USP6NL: variants seen among roughly 807,000 people sequenced by gnomAD.
The protein encoded by USP6NL is USP6 N-terminal like, also known as USP6 N-terminal-like protein.
Under a neutral mutation model 61.9 loss-of-function variants are expected in USP6NL, and 26 were observed. The observed-to-expected ratio is 0.42, with a 90% CI of 0.31 to 0.58. The LOEUF is 0.58. USP6NL is among the 20% of genes least tolerant of loss of function. USP6NL has a pLI of 0.16. For synonymous variants in USP6NL, 432 were observed against 390.1 expected (o/e 1.11, Z -1.27); for missense variants, 1,114 against 1,034.3 (o/e 1.08, Z -1.06).
chr10:11,500,160 C>T (rs1834115835), intron 7 of USP6NL, among the ~76,000 whole-genome samples: 1 of 151,988 alleles, frequency 6.6e-6, no homozygotes, highest in Admixed American at 6.6e-5. Context: ...CATAGTGGGG[C>T]CTGTCAGCAA....
intron 5 of USP6NL, among the ~76,000 whole-genome samples, chr10:11,516,967 C>T (rs1834983938): frequency 6.6e-6 from 1 of 152,120 alleles, no homozygotes; most frequent in Admixed American, 6.5e-5. Flanking sequence ...TTTAAATCAC[C>T]GGTCTGAAGA....
At position 11,485,873 on chromosome 10, in the gene USP6NL, G is replaced by T; in HGVS notation, c.703C>A (p.Gln235Lys). Reference protein sequence around the residue: ...VQGFPKLLRFQEHHEKILNKF... With the variant: ...VQGFPKLLRFKEHHEKILNKF... ...TTCAGTATTTTTTCATGATGTTCTT[G>T]AAACCTCAAGAGTTTAGGAAAACCT... is the stretch of plus-strand genomic sequence containing the variant. Residue 235 changes from glutamine (Q) to lysine (K), a missense_variant, in exon 11 of 15, where the codon CAA (glutamine) becomes AAA (lysine). Transcript: ENST00000609104. The surrounding 1 kb of genome is among the most constrained non-coding windows in gnomAD (Gnocchi z 4.8). 1 of 1,554,786 alleles carries T rather than the reference G, an allele frequency of 6.4e-7. No individual in the cohort carries two copies. The highest frequency in any genetic ancestry group is 8.7e-7 in the Non-Finnish European group (1 of 1,149,462).
intron 14 of USP6NL, among the ~76,000 whole-genome samples, chr10:11,472,186 T>G (rs1285942654): frequency 6.6e-6 from 1 of 152,200 alleles, no homozygotes; most frequent in Non-Finnish European, 1.5e-5. Flanking sequence ...AAAGCAAAAA[T>G]GTTTATTATT....
chr10:11,491,170 G>A lies in USP6NL; in HGVS notation c.495-290C>T, dbSNP rs1833695387. Among the ~76,000 whole-genome samples the A allele has an allele frequency of 6.6e-6, 1 of 152,210 alleles. No individual in the cohort carries two copies. Among genetic ancestry groups the A allele is most frequent in the East Asian group, 1.9e-4 (1 of 5,200 alleles). On this transcript the variant is annotated intron_variant, in intron 8 of 14. Coordinates refer to ENST00000609104, the MANE Select transcript of USP6NL (RefSeq NM_014688.5). The surrounding 1 kb of genome is among the most constrained non-coding windows in gnomAD (Gnocchi z 4.7). ...ATCTATCTCACTTTGAGACCCTTCT[G>A]ATAGAAGCAGCTGGCTTGACAGAAT... is the stretch of plus-strand genomic sequence containing the variant.
In USP6NL at chr10:11,490,923, C is replaced by T; in HGVS notation, c.495-43G>A. ...CATTAAATACAATTTAGTAATTTCA[C>T]ATATTTTAAAAATTACAAACTTAAA... On this transcript the variant is annotated intron_variant, in intron 8 of 14. Transcript: ENST00000609104. The surrounding 1 kb of genome is among the most constrained non-coding windows in gnomAD (Gnocchi z 4.5). 6.8e-7 allele frequency: 1 copy of T among 1,472,338 alleles called. No individual in the cohort carries two copies. Among genetic ancestry groups the T allele is most frequent in the Non-Finnish European group, 9.1e-7 (1 of 1,100,196 alleles). The allele number at this position is 1,472,338 out of a possible 1,614,324, so 91.2% of individuals were successfully genotyped here. A position where few individuals can be genotyped will look rare whatever the true frequency, so the allele number is the denominator to read the frequency against.
rs2096226620 is a variant in USP6NL at position 11,463,503 on chromosome 10, G to C, written c.1425C>G (p.Ala475=). The change falls in exon 15 of 15, where the codon GCC becomes GCG. Residue 475 remains alanine, a synonymous_variant. Coordinates refer to ENST00000609104, the MANE Select transcript of USP6NL (RefSeq NM_014688.5). The surrounding 1 kb of genome is among the most constrained non-coding windows in gnomAD (Gnocchi z 6.3). ...NHAAANQNSN[A]TSNIRKEFVP... ...CAAACTCCTTCCTGATATTTGAAGTGGCGTTGCTATTTTGGTTGGCAGCTG... is the reference window on the plus strand; with the variant it reads ...CAAACTCCTTCCTGATATTTGAAGTCGCGTTGCTATTTTGGTTGGCAGCTG... The C allele has an allele frequency of 1.9e-6, 3 of 1,613,928 alleles. No homozygotes were observed. Among genetic ancestry groups the C allele is most frequent in the Non-Finnish European group, 2.5e-6 (3 of 1,179,912 alleles).
At chr10:11,583,030 C>T (rs949569454) in intron 2 of USP6NL, among the ~76,000 whole-genome samples, 1 of 150,158 alleles carries the variant, frequency 6.7e-6, no homozygotes, top group African/African-American at 2.5e-5. Context: ...TAAATAATTA[C>T]AAAATTAATG....
chr10:11,603,869 T>C (rs571044907), intron 1 of USP6NL, among the ~76,000 whole-genome samples: 1 of 152,272 alleles, frequency 6.6e-6, no homozygotes, highest in South Asian at 2.1e-4. Context: ...CCAAGAGGTG[T>C]AAATACACAC....
At chr10:11,479,331 A>G (rs1196136084) in intron 14 of USP6NL, among the ~76,000 whole-genome samples, 5 of 152,184 alleles carry the variant, frequency 3.3e-5, no homozygotes, top group Non-Finnish European at 7.3e-5. Context: ...TGAACAGGGA[A>G]GTTCACAGAA....
chr10:11,595,641 A>C lies in USP6NL; in HGVS notation c.4+1990T>G, dbSNP rs1401803885. 6.6e-6 allele frequency among the ~76,000 whole-genome samples: 1 copy of C among 151,968 alleles called. No homozygotes were observed. Among genetic ancestry groups the C allele is most frequent in the Non-Finnish European group, 1.5e-5 (1 of 68,036 alleles). ...AATCTGCTAGACCAGCATGAAAAAA[A>C]CAAAAATCACAAAAAGAAAGAGAGA... On this transcript the variant is annotated intron_variant, in intron 2 of 14. Coordinates refer to ENST00000609104, the MANE Select transcript of USP6NL (RefSeq NM_014688.5). This position sits in a 1 kb window ranked among gnomAD's most constrained non-coding sequence, Gnocchi z 5.3.
chr10:11,464,316 T>C (rs527881381), intron 14 of USP6NL, among the ~76,000 whole-genome samples: 2 of 152,340 alleles, frequency 1.3e-5, no homozygotes, highest in South Asian at 2.1e-4. Flanking sequence ...GGGATTTCGA[T>C]TGTGGTACTA....
chr10:11,519,884 A>C (rs1835136432), intron 4 of USP6NL, among the ~76,000 whole-genome samples: 1 of 152,190 alleles, frequency 6.6e-6, no homozygotes, highest in Non-Finnish European at 1.5e-5. Context: ...CACTATGTTT[A>C]TATTCTTGCC....
At position 11,489,238 on chromosome 10, in the gene USP6NL, G is replaced by A. The variant is rs772553906; in HGVS notation, c.544-16C>T. The A allele has an allele frequency of 1.2e-6, 2 of 1,610,212 alleles. No individual in the cohort carries two copies. The highest frequency in any genetic ancestry group is 1.1e-5 in the South Asian group (1 of 90,890). On this transcript the variant is annotated splice_polypyrimidine_tract_variant and intron_variant, in intron 9 of 14. Transcript: ENST00000609104. This position sits in a 1 kb window ranked among gnomAD's most constrained non-coding sequence, Gnocchi z 5.7. ...ACCCGACTTCCTGGGGAGCAAAGGGGAACACAGAAGCTGGGGAGTTCAGTC... is the reference window on the plus strand; with the variant it reads ...ACCCGACTTCCTGGGGAGCAAAGGGAAACACAGAAGCTGGGGAGTTCAGTC...
At position 11,468,846 on chromosome 10, in the gene USP6NL, GA is replaced by G. The variant is rs554357194; in HGVS notation, c.1079-4998del. Among the ~76,000 whole-genome samples the G allele has an allele frequency of 0.02, 3,059 of 152,190 alleles. 54 individuals are homozygous for G. The highest frequency in any genetic ancestry group is 0.036 in the Non-Finnish European group (2,435 of 67,998). On this transcript the variant is annotated intron_variant, in intron 14 of 14. Transcript: ENST00000609104. The surrounding 1 kb of genome is among the most constrained non-coding windows in gnomAD (Gnocchi z 4.5). The stretch of plus-strand genomic sequence containing the variant: ...TAAGGCATGTGTTTCTTAGGAGAAA[GA>G]AAAAACCAATTGAGAAGTAATGGAA...
intron 6 of USP6NL, among the ~76,000 whole-genome samples, chr10:11,507,229 A>T (rs1834489654): frequency 6.6e-6 from 1 of 152,240 alleles, no homozygotes; most frequent in Non-Finnish European, 1.5e-5. Flanking sequence ...ATTTTATTAG[A>T]ATGAATGTGA....
chr10:11,597,823 C>A lies in USP6NL; in HGVS notation c.-83-106G>T. On this transcript the variant is annotated intron_variant, in intron 1 of 14. Transcript: ENST00000609104. The surrounding 1 kb of genome is among the most constrained non-coding windows in gnomAD (Gnocchi z 4.6). ...TTGTTTCAAAAATATTCTACTATTT[C>A]CAAAAAGAACTCTTGTGATCACCTA... is the stretch of plus-strand genomic sequence containing the variant. The A allele has an allele frequency of 1.8e-6, 1 of 552,814 alleles. No individual in the cohort carries two copies. The highest frequency in any genetic ancestry group is 2.7e-5 in the South Asian group (1 of 37,134). 34.2% of individuals were successfully genotyped at this position (552,814 alleles called of 1,614,324 possible).
intron 2 of USP6NL, among the ~76,000 whole-genome samples, chr10:11,544,348 A>C (rs1836190186): frequency 6.6e-6 from 1 of 152,216 alleles, no homozygotes; most frequent in African/African-American, 2.4e-5. Flanking sequence ...AAGGAGACTG[A>C]CTATAAAAAC....
At chr10:11,531,725 A>AC (rs1835670442) in intron 2 of USP6NL, among the ~76,000 whole-genome samples, 1 of 151,744 alleles carries the variant, frequency 6.6e-6, no homozygotes, top group Non-Finnish European at 1.5e-5. Flanking sequence ...TATTTTTATG[A>AC]TTTTTTTTAT....
Position 11,569,264 on chromosome 10 carries a change from G to T in USP6NL, c.4+28367C>A, listed in dbSNP as rs1396425842. 2.0e-5 allele frequency among the ~76,000 whole-genome samples: 3 copies of T among 151,934 alleles called. No homozygotes were observed. In the East Asian group the frequency reaches 5.8e-4, roughly 29 times the overall value. On this transcript the variant is annotated intron_variant, in intron 2 of 14. Coordinates refer to ENST00000609104, the MANE Select transcript of USP6NL (RefSeq NM_014688.5). ...GAAATATCTACAAAATATCTGAAAGGGTTCATTTTTGGATTTTTCTATTGC... is the reference window on the plus strand; with the variant it reads ...GAAATATCTACAAAATATCTGAAAGTGTTCATTTTTGGATTTTTCTATTGC...
Sources: allele counts gnomAD v4.1 joint callset (sites outside exome capture counted in the v4.1 genomes callset), GRCh38; gene constraint gnomAD v4.1.1; non-coding constraint Gnocchi (gnomAD v3.1); transcripts MANE v1.5; gene names NCBI Gene and HGNC (gene_info 2026-07-23, HGNC 2026-07-21).